The following AGFG1 variants were observed in gnomAD, a reference collection of about 807,000 sequenced individuals.
AGFG1 encodes the protein ArfGAP with FG repeats 1, also known as arf-GAP domain and FG repeat-containing protein 1.
In AGFG1, 10 loss-of-function variants were observed where a neutral mutation model predicts 60.6. The observed-to-expected ratio is 0.16, with a 90% confidence interval of 0.10 to 0.28. The LOEUF is 0.28. AGFG1 is among the 10% of genes least tolerant of loss of function. AGFG1 has a pLI of 1.00. For synonymous variants in AGFG1, 247 were observed against 242.9 expected (o/e 1.02, Z -0.16); for missense variants, 537 against 676.5 (o/e 0.79, Z 2.29).
chr2:227,491,443 G>C, intron 1 of AGFG1, 104 bp from the exon 2 acceptor site: 3 of 680,926 alleles, frequency 4.4e-6, no homozygotes, highest in Non-Finnish European at 7.3e-6. Context: ...TGAAAACACT[G>C]TTTCAAGTTT....
intron 2 of AGFG1, among the ~76,000 whole-genome samples, chr2:227,492,850 A>G (rs1342412852): frequency 6.6e-6 from 1 of 152,074 alleles, no homozygotes; most frequent in Non-Finnish European, 1.5e-5. Context: ...ATAGAATAAT[A>G]TATATATTGA....
chr2:227,521,134 C>T (rs191926893), intron 3 of AGFG1, among the ~76,000 whole-genome samples: 8 of 152,144 alleles, frequency 5.3e-5, no homozygotes, highest in East Asian at 1.9e-4. Context: ...GGTGCGATCT[C>T]GGCTCACTGC....
At chr2:227,490,144 A>G in intron 1 of AGFG1, among the ~76,000 whole-genome samples, 1 of 152,210 alleles carries the variant, frequency 6.6e-6, no homozygotes, top group Admixed American at 6.5e-5. Flanking sequence ...CTAGAATGTT[A>G]CGCACCATAT....
At chr2:227,513,792 G>GA (rs1242927418) in intron 2 of AGFG1, among the ~76,000 whole-genome samples, 1 of 152,184 alleles carries the variant, frequency 6.6e-6, no homozygotes, top group East Asian at 1.9e-4. Flanking sequence ...AGGACTAAGG[G>GA]AAAAAATTAT....
chr2:227,534,647 T>G (rs980152229), intron 7 of AGFG1, among the ~76,000 whole-genome samples, 198 bp from the exon 8 acceptor site: 1 of 152,216 alleles, frequency 6.6e-6, no homozygotes, highest in Non-Finnish European at 1.5e-5. Flanking sequence ...AAGAGACATA[T>G]TCTGTCTTTA....
intron 1 of AGFG1, among the ~76,000 whole-genome samples, chr2:227,474,535 C>A (rs4675200): frequency 6.6e-6 from 1 of 152,014 alleles, no homozygotes; most frequent in Non-Finnish European, 1.5e-5. Flanking sequence ...GATAGGACTT[C>A]ATTTCTCTAT....
intron 12 of AGFG1, 113 bp from the exon 13 acceptor site, chr2:227,554,322 AT>A: frequency 1.2e-6 from 1 of 853,444 alleles, no homozygotes; most frequent in African/African-American, 1.7e-5. Context: ...AATTTAAAAA[AT>A]AATTCTTAAC....
chr2:227,513,075 A>G (rs933614254), intron 2 of AGFG1, among the ~76,000 whole-genome samples: 1 of 152,200 alleles, frequency 6.6e-6, no homozygotes, highest in Non-Finnish European at 1.5e-5. Context: ...GTGAATATCC[A>G]TTTCAACAAG....
intron 2 of AGFG1, among the ~76,000 whole-genome samples, chr2:227,509,973 C>T (rs13394827): frequency 0.045 from 6,891 of 152,092 alleles, 201 homozygotes; most frequent in African/African-American, 0.088. Context: ...AAGGCAGAGC[C>T]CTTGTTCTGT....
intron 2 of AGFG1, among the ~76,000 whole-genome samples, chr2:227,496,418 G>A (rs970759157): frequency 5.3e-5 from 8 of 150,100 alleles, no homozygotes; most frequent in African/African-American, 2.0e-4. Flanking sequence ...CTCCAGCTTG[G>A]GCGATAGAGC....
intron 6 of AGFG1, chr2:227,532,103 A>C: frequency 6.7e-7 from 1 of 1,489,072 alleles, no homozygotes. Context: ...TTTTTTCTTT[A>C]ACTTTCATCA....
At chr2:227,537,783 A>G (rs1692356643) in intron 10 of AGFG1, among the ~76,000 whole-genome samples, 1 of 152,200 alleles carries the variant, frequency 6.6e-6, no homozygotes. Flanking sequence ...ATTTAGAACT[A>G]AAGCCTAAAC....
At chr2:227,536,508 G>C (rs968374753) in intron 8 of AGFG1, 117 bp from the exon 9 acceptor site, 4 of 706,668 alleles carry the variant, frequency 5.7e-6, no homozygotes, top group Non-Finnish European at 9.7e-6. Context: ...AATTTTCTTT[G>C]TGTTGATACT....
At chr2:227,552,250 AAAAGC>A in intron 11 of AGFG1, 133 bp downstream of exon 11, 1 of 1,136,034 alleles carries the variant, frequency 8.8e-7, no homozygotes, top group Non-Finnish European at 1.2e-6. Flanking sequence ...ACACAAAAAT[AAAAGC>A]CTTTGGTGAT....
chr2:227,521,817 C>G (rs1691834314), intron 3 of AGFG1, among the ~76,000 whole-genome samples: 1 of 151,448 alleles, frequency 6.6e-6, no homozygotes, highest in South Asian at 2.1e-4. Flanking sequence ...TTCATTCAAA[C>G]TATAACGCAA....
chr2:227,512,390 G>A (rs912800137), intron 2 of AGFG1, among the ~76,000 whole-genome samples: 4 of 152,190 alleles, frequency 2.6e-5, no homozygotes, highest in African/African-American at 9.6e-5. Context: ...GTATTGTTTA[G>A]ATATGTGTCA....
In AGFG1 at chr2:227,539,289, A is replaced by T. The variant is rs186611082; in HGVS notation, c.1378+2296A>T. 1.2e-4 allele frequency among the ~76,000 whole-genome samples: 18 copies of T among 152,158 alleles called. No homozygotes were observed. The East Asian group carries it at 3.5e-3, about 29-fold the overall frequency. On this transcript the variant is annotated intron_variant, in intron 10 of 12. Coordinates refer to ENST00000310078, the MANE Select transcript of AGFG1 (RefSeq NM_004504.5). ...AAGACCCTGTCTCTACTAAAAATGC[A>T]AAAATTAGCCAGGTGCGGTGGTACG...
intron 10 of AGFG1, among the ~76,000 whole-genome samples, chr2:227,545,190 CA>C (rs1259142722): frequency 6.6e-6 from 1 of 152,138 alleles, no homozygotes; most frequent in African/African-American, 2.4e-5. Context: ...CGTCTCTTCT[CA>C]CTTTATTTCA....
At chr2:227,549,647 A>G (rs573695246) in intron 10 of AGFG1, among the ~76,000 whole-genome samples, 30 of 152,152 alleles carry the variant, frequency 2.0e-4, no homozygotes, top group African/African-American at 6.7e-4. Context: ...TTGTTCATGC[A>G]CTCTCTCCCA....
Sources: gnomAD v4.1 joint callset for allele counts (sites outside exome capture counted in the v4.1 genomes callset) on GRCh38, gnomAD v4.1.1 for gene constraint, MANE v1.5 for transcripts, NCBI Gene and HGNC (gene_info 2026-07-23, HGNC 2026-07-21) for gene names.